EPS15: variants seen among roughly 807,000 people sequenced by gnomAD.
EPS15 encodes the protein epidermal growth factor receptor pathway substrate 15.
In EPS15, 72 loss-of-function variants were observed where a neutral mutation model predicts 113.8. That is an observed-to-expected ratio of 0.63 (90% CI 0.52 to 0.77). The LOEUF is 0.77. Ranked by LOEUF, EPS15 falls within the 30% of genes least tolerant of loss-of-function variation. The pLI, the probability that EPS15 is intolerant of heterozygous loss-of-function variation, is 0.00. For synonymous variants in EPS15, 344 were observed against 363.4 expected (o/e 0.95, Z 0.61); for missense variants, 1,048 against 1,045.8 (o/e 1.00, Z -0.03).
rs1646218695 is a variant in EPS15, at chr1:51,356,402, G to A, written c.*298C>T. On this transcript the variant is annotated 3_prime_UTR_variant, in exon 25 of 25. Coordinates refer to ENST00000371733, the MANE Select transcript of EPS15 (RefSeq NM_001981.3). Reference sequence around the variant, plus strand: ...TATTCCAGAAGGCAGAAGCTTGGGTGCTCTAGCTTTACAAGTAAAATAGCA... The same window carrying A: ...TATTCCAGAAGGCAGAAGCTTGGGTACTCTAGCTTTACAAGTAAAATAGCA... 1 of 312,966 alleles carries A rather than the reference G, an allele frequency of 3.2e-6. No homozygotes were observed. The highest frequency in any genetic ancestry group is 5.9e-6 in the Non-Finnish European group (1 of 170,348). 19.4% of individuals were successfully genotyped at this position (312,966 alleles called of 1,614,324 possible).
chr1:51,384,883 T>A (rs1213444164), intron 21 of EPS15, among the ~76,000 whole-genome samples: 1 of 152,182 alleles, frequency 6.6e-6, no homozygotes, highest in Non-Finnish European at 1.5e-5. Context: ...ATGGGAAAAC[T>A]GAATATCCAC....
chr1:51,425,392 G>A (rs1007758404), intron 12 of EPS15, among the ~76,000 whole-genome samples: 1 of 152,142 alleles, frequency 6.6e-6, no homozygotes, highest in Non-Finnish European at 1.5e-5. Flanking sequence ...CTCAGTTTTT[G>A]ATGCAATTCC....
At chr1:51,460,455 G>C (rs138771182) in intron 8 of EPS15, among the ~76,000 whole-genome samples, 1 of 152,120 alleles carries the variant, frequency 6.6e-6, no homozygotes, top group Non-Finnish European at 1.5e-5. Flanking sequence ...GTGAAATTTG[G>C]GAGATACATT....
At chr1:51,416,259 T>C (rs537072370) in intron 13 of EPS15, among the ~76,000 whole-genome samples, 7 of 152,206 alleles carry the variant, frequency 4.6e-5, no homozygotes, top group African/African-American at 1.7e-4. Flanking sequence ...TCAAATGCCA[T>C]TCCCTCCAGT....
At chr1:51,414,135 G>C (rs138995346) in intron 13 of EPS15, among the ~76,000 whole-genome samples, 1 of 152,064 alleles carries the variant, frequency 6.6e-6, no homozygotes, top group African/African-American at 2.4e-5. Context: ...CTATTGAGCC[G>C]GCAAAGTGGC....
intron 11 of EPS15, 113 bp from the exon 12 acceptor site, chr1:51,440,545 A>G (rs1652517009): frequency 4.9e-6 from 2 of 404,164 alleles, no homozygotes; most frequent in Admixed American, 8.0e-5. Context: ...ATTTTACTGT[A>G]TTACTGAGAT....
intron 8 of EPS15, among the ~76,000 whole-genome samples, chr1:51,450,501 CTGAG>C (rs752271003): frequency 6.6e-5 from 10 of 151,760 alleles, no homozygotes; most frequent in South Asian, 2.1e-4. Context: ...TACTCCTTTC[CTGAG>C]TTTCTTCCAT....
At chr1:51,513,906 G>A (rs543838408) in intron 1 of EPS15, among the ~76,000 whole-genome samples, 13 of 152,130 alleles carry the variant, frequency 8.5e-5, no homozygotes, top group Admixed American at 3.9e-4. Flanking sequence ...TACTTTACAC[G>A]TAGTTATTGT....
At chr1:51,408,629 T>C (rs1649374566) in intron 14 of EPS15, among the ~76,000 whole-genome samples, 1 of 151,842 alleles carries the variant, frequency 6.6e-6, no homozygotes, top group African/African-American at 2.4e-5. Flanking sequence ...TTGTTGATGT[T>C]TTATTTTTTT....
intron 3 of EPS15, among the ~76,000 whole-genome samples, 177 bp downstream of exon 3, chr1:51,472,682 T>A (rs981341084): frequency 2.0e-5 from 3 of 152,206 alleles, no homozygotes; most frequent in Non-Finnish European, 4.4e-5. Flanking sequence ...CACCTTACTT[T>A]TCAAGAGGGT....
chr1:51,458,377 T>C (rs890420522), intron 8 of EPS15: 2 of 166,004 alleles, frequency 1.2e-5, no homozygotes, highest in African/African-American at 2.4e-5. Flanking sequence ...TGTTTATTCA[T>C]TTACCTTAGC....
chr1:51,508,382 A>AAGAG (rs763640113), intron 1 of EPS15, among the ~76,000 whole-genome samples: 1 of 147,000 alleles, frequency 6.8e-6, no homozygotes, highest in Non-Finnish European at 1.5e-5. Flanking sequence ...GAAAGAAAGA[A>AAGAG]AGAGAAAATT....
chr1:51,470,957 G>A (rs1249185746), intron 4 of EPS15, among the ~76,000 whole-genome samples: 3 of 152,060 alleles, frequency 2.0e-5, no homozygotes, highest in Admixed American at 1.3e-4. Flanking sequence ...CACCAAAGTA[G>A]CCCTTCTACC....
At chr1:51,512,637 A>G (rs1644643588) in intron 1 of EPS15, among the ~76,000 whole-genome samples, 1 of 152,134 alleles carries the variant, frequency 6.6e-6, no homozygotes, top group South Asian at 2.1e-4. Context: ...GCAGTTTATA[A>G]AAAAAGAAAT....
At chr1:51,438,721 T>C (rs1192659919) in intron 12 of EPS15, among the ~76,000 whole-genome samples, 1 of 152,160 alleles carries the variant, frequency 6.6e-6, no homozygotes, top group Non-Finnish European at 1.5e-5. Flanking sequence ...GGTTCAGTAA[T>C]TGTTTACTAC....
chr1:51,380,200 G>C (rs1227140068), intron 21 of EPS15, among the ~76,000 whole-genome samples: 1 of 151,538 alleles, frequency 6.6e-6, no homozygotes, highest in African/African-American at 2.4e-5. Context: ...CTCCAGCCTG[G>C]GCAACAAGAG....
intron 1 of EPS15, among the ~76,000 whole-genome samples, chr1:51,484,158 G>A (rs1361454719): frequency 6.6e-6 from 1 of 152,130 alleles, no homozygotes; most frequent in African/African-American, 2.4e-5. Context: ...TCCCAGCTCT[G>A]TGTTGCTTCC....
intron 23 of EPS15, among the ~76,000 whole-genome samples, chr1:51,362,205 A>T (rs565539693): frequency 6.6e-6 from 1 of 152,352 alleles, no homozygotes; most frequent in African/African-American, 2.4e-5. Context: ...AAAGATGCTC[A>T]TATCTCAATG....
chr1:51,385,808 T>C (rs1316304512), intron 21 of EPS15, among the ~76,000 whole-genome samples: 2 of 152,164 alleles, frequency 1.3e-5, no homozygotes, highest in African/African-American at 4.8e-5. Context: ...CACCAAAATA[T>C]GAATTTTTTT....
Sources: allele counts gnomAD v4.1 joint callset (sites outside exome capture counted in the v4.1 genomes callset), GRCh38; gene constraint gnomAD v4.1.1; transcripts MANE v1.5; gene names NCBI Gene and HGNC (gene_info 2026-07-23, HGNC 2026-07-21).